The following DDX46 variants were observed in gnomAD, a reference collection of about 807,000 sequenced individuals.
DDX46 encodes the protein probable ATP-dependent RNA helicase DDX46.
DDX46 carries 30 observed loss-of-function variants against 134.9 expected under a neutral mutation model. The observed-to-expected ratio is 0.22, with a 90% CI of 0.17 to 0.30. The LOEUF (loss-of-function observed/expected upper bound fraction) is 0.30. Ranked by LOEUF, DDX46 falls within the 10% of genes least tolerant of loss-of-function variation. The pLI is 1.00. For missense variants in DDX46, 622 were observed against 1,248.7 expected, an observed-to-expected ratio of 0.50 and a Z score of 7.56; for synonymous variants, 415 against 404.1, an observed-to-expected ratio of 1.03 and a Z score of -0.32.
rs558091767 is a variant in DDX46 at position 134,799,598 on chromosome 5, C to T, written c.1954+3448C>T. 1.5e-3 allele frequency among the ~76,000 whole-genome samples: 231 copies of T among 152,086 alleles called. 1 individual carries two copies. Among genetic ancestry groups the T allele is most frequent in the African/African-American group, 5.3e-3 (222 of 41,514 alleles). ...ACTAAAAATACAAAAATTAGCCAGG[C>T]GTGGTGGCAGGTGCCTGTAATCCCA... On this transcript the variant is annotated intron_variant, in intron 15 of 22. Coordinates refer to ENST00000452510, the MANE Select transcript of DDX46 (RefSeq NM_001300860.2).
chr5:134,821,973 A>G (rs1004999239), intron 21 of DDX46, among the ~76,000 whole-genome samples: 4 of 147,802 alleles, frequency 2.7e-5, no homozygotes, highest in Admixed American at 6.7e-5. Flanking sequence ...TCTCACTGCA[A>G]CCTCCACCTC....
At chr5:134,764,898 A>C in intron 2 of DDX46, among the ~76,000 whole-genome samples, 16 of 134,234 alleles carry the variant, frequency 1.2e-4, no homozygotes, top group East Asian at 4.3e-4. Context: ...TTCCTCCCTC[A>C]CTCTTTCTCT....
intron 11 of DDX46, among the ~76,000 whole-genome samples, chr5:134,788,157 T>TG (rs1754397078): frequency 1.3e-5 from 2 of 152,130 alleles, no homozygotes; most frequent in African/African-American, 4.8e-5. Flanking sequence ...GGCAGGGTCT[T>TG]GCTCTTGCTC....
intron 1 of DDX46, 119 bp from the exon 2 acceptor site, chr5:134,763,785 C>G (rs1309013639): frequency 8.3e-7 from 1 of 1,201,130 alleles, no homozygotes; most frequent in Non-Finnish European, 1.1e-6. Flanking sequence ...TAGAAAAATT[C>G]ATAAAAAGTT....
intron 10 of DDX46, 61 bp downstream of exon 10, chr5:134,784,602 C>G (rs1306932022): frequency 1.2e-5 from 18 of 1,478,362 alleles, no homozygotes; most frequent in Non-Finnish European, 1.6e-5. Flanking sequence ...ACAGAAAGAC[C>G]TTATAGTTTA....
intron 1 of DDX46, 63 bp downstream of exon 1, chr5:134,759,018 G>C: frequency 6.3e-7 from 1 of 1,595,212 alleles, no homozygotes; most frequent in South Asian, 1.1e-5. Flanking sequence ...AGAAGAGGCG[G>C]GAGTTGAGGT....
chr5:134,821,974 C>T (rs1755468590), intron 21 of DDX46, among the ~76,000 whole-genome samples: 1 of 150,462 alleles, frequency 6.6e-6, no homozygotes, highest in African/African-American at 2.5e-5. Flanking sequence ...CTCACTGCAA[C>T]CTCCACCTCC....
chr5:134,792,901 TC>T (rs1041879324), intron 13 of DDX46, among the ~76,000 whole-genome samples: 14 of 152,172 alleles, frequency 9.2e-5, no homozygotes, highest in African/African-American at 3.1e-4. Flanking sequence ...ATGCTTAGGA[TC>T]TCTGCACTTT....
chr5:134,801,187 A>G (rs2150151595), intron 15 of DDX46, among the ~76,000 whole-genome samples: 1 of 151,878 alleles, frequency 6.6e-6, no homozygotes, highest in African/African-American at 2.4e-5. Context: ...GGGAGGGAGG[A>G]TTGTTTAAGC....
intron 18 of DDX46, among the ~76,000 whole-genome samples, chr5:134,813,322 A>C (rs747598713): frequency 4.6e-5 from 7 of 152,228 alleles, no homozygotes; most frequent in Non-Finnish European, 8.8e-5. Context: ...ACTTATTATC[A>C]CATAGTTCCT....
Position 134,782,042 on chromosome 5 carries a change from A to G in DDX46, c.1001A>G (p.Asn334Ser). 1 of 1,592,330 alleles carries G rather than the reference A, an allele frequency of 6.3e-7. No individual in the cohort carries two copies. The highest frequency in any genetic ancestry group is 8.5e-7 in the Non-Finnish European group (1 of 1,175,366). ...GKIEYEPFRKNFYVEVPELAK... is the reference protein window; with the variant it reads ...GKIEYEPFRKSFYVEVPELAK... ...ATTGAGTATGAGCCATTTAGGAAAA[A>G]CTTCTATGTTGAAGTTCCAGAACTA... The change falls in exon 8 of 23, where the codon AAC (asparagine) becomes AGC (serine). Residue 334 changes from asparagine to serine, a missense_variant. Around this residue, in one of 8 missense-constraint regions of DDX46, gnomAD observed 63 missense variants for 84.0 expected, o/e 0.75. Coordinates refer to ENST00000452510, the MANE Select transcript of DDX46 (RefSeq NM_001300860.2).
chr5:134,814,039 A>C (rs1186768878), intron 18 of DDX46, among the ~76,000 whole-genome samples: 1 of 152,214 alleles, frequency 6.6e-6, no homozygotes, highest in African/African-American at 2.4e-5. Flanking sequence ...ACATTATGGT[A>C]GTTTCCTCTT....
intron 14 of DDX46, among the ~76,000 whole-genome samples, 187 bp downstream of exon 14, chr5:134,795,201 C>CTT (rs1301651132): frequency 3.6e-5 from 5 of 138,148 alleles, no homozygotes; most frequent in Admixed American, 1.4e-4. Flanking sequence ...ATTTAAAATG[C>CTT]TTGTTTTTTT....
intron 7 of DDX46, among the ~76,000 whole-genome samples, chr5:134,781,699 C>T (rs1041018404): frequency 6.6e-6 from 1 of 152,126 alleles, no homozygotes. Context: ...TGATACGTTT[C>T]TAATTCAAGG....
chr5:134,777,108 G>T (rs187625621), intron 5 of DDX46, among the ~76,000 whole-genome samples: 3 of 152,126 alleles, frequency 2.0e-5, no homozygotes, highest in East Asian at 1.9e-4. Context: ...TACTCGTCAG[G>T]CTGAGGCAAG....
At chr5:134,812,638 C>T (rs1191570228) in intron 18 of DDX46, among the ~76,000 whole-genome samples, 2 of 152,050 alleles carry the variant, frequency 1.3e-5, no homozygotes, top group African/African-American at 4.8e-5. Context: ...GGATACCATA[C>T]TAGCTCAAAA....
At chr5:134,774,785 G>A (rs148924329) in intron 5 of DDX46, among the ~76,000 whole-genome samples, 2 of 152,140 alleles carry the variant, frequency 1.3e-5, no homozygotes, top group Admixed American at 1.3e-4. Flanking sequence ...CAGCCTCGAC[G>A]TCCTGGGCTC....
rs1338403382 is a variant in DDX46, at chr5:134,816,519, T to G, written c.2526T>G (p.Thr842=). The G allele has an allele frequency of 6.2e-7, 1 of 1,613,844 alleles. No individual in the cohort carries two copies. Among genetic ancestry groups the G allele is most frequent in the African/African-American group, 1.3e-5 (1 of 75,044 alleles). ...APGTSSVPAP[T]AGNAEKLEIA... is the part of the protein sequence containing the mutation. ...GAACATCAAGTGTTCCTGCTCCAAC[T>G]GCAGGAAATGCTGAGAAATTAGAAA... The change falls in exon 19 of 23, where the codon ACT becomes ACG. Residue 842 remains threonine (T), a synonymous_variant. Coordinates refer to ENST00000452510, the MANE Select transcript of DDX46 (RefSeq NM_001300860.2).
At chr5:134,780,296 ACT>A (rs1238066247) in intron 6 of DDX46, among the ~76,000 whole-genome samples, 1 of 149,926 alleles carries the variant, frequency 6.7e-6, no homozygotes, top group African/African-American at 2.4e-5. Flanking sequence ...GGGTGTGCTG[ACT>A]CACGCCTGTC....
Sources: gnomAD v4.1 joint callset for allele counts (sites outside exome capture counted in the v4.1 genomes callset) on GRCh38, gnomAD v4.1.1 for gene constraint, gnomAD v4.1.1 regional missense constraint, MANE v1.5 for transcripts, NCBI Gene and HGNC (gene_info 2026-07-23, HGNC 2026-07-21) for gene names.